Variants in MDFIC observed in about 807,000 individuals in gnomAD.
The protein encoded by MDFIC is MyoD family inhibitor domain containing.
In MDFIC, 17 loss-of-function variants were observed where a neutral mutation model predicts 23.2. The ratio of observed to expected loss-of-function variants is 0.73; its 90% CI spans 0.50 to 1.10. The LOEUF (loss-of-function observed/expected upper bound fraction) is 1.10. Among genes scored for constraint, MDFIC ranks in the 50% least tolerant of loss-of-function variants. The probability of loss-of-function intolerance (pLI) is 0.00; values close to 1 mark genes in which losing one functional copy is unlikely to be tolerated. For synonymous variants in MDFIC, 120 were observed against 115.2 expected (o/e 1.04, Z -0.27); for missense variants, 356 against 316.6 (o/e 1.12, Z -0.95).
Position 114,942,387 on chromosome 7 carries a change from A to T in MDFIC, c.207A>T (p.Glu69Asp). The change falls in exon 3 of 5, where the codon GAA becomes GAT. Residue 69 changes from glutamate to aspartate, a missense_variant. Physicochemically the swap from Glu to Asp is conservative, Grantham distance 45. Transcript: ENST00000393486. ...TTTGGGGAAATCCTTCGGATGGTGA[A>T]CTCATTAGAAGTAAGTATTTTTAGA... Reference protein sequence around the residue: ...QSIWGNPSDGELIRTQPQRLP... With the variant: ...QSIWGNPSDGDLIRTQPQRLP... The T allele has an allele frequency of 1.3e-6, 2 of 1,595,912 alleles. No individual in the cohort carries two copies. Among genetic ancestry groups the T allele is most frequent in the Non-Finnish European group, 8.5e-7 (1 of 1,172,350 alleles).
chr7:114,976,093 GA>G (rs1404259368), intron 3 of MDFIC, among the ~76,000 whole-genome samples: 3 of 152,094 alleles, frequency 2.0e-5, no homozygotes, highest in African/African-American at 7.2e-5. Flanking sequence ...TTTGATAGCA[GA>G]AAAAGGTCAA....
At chr7:114,954,445 T>A (rs1792845742) in intron 3 of MDFIC, among the ~76,000 whole-genome samples, 1 of 152,242 alleles carries the variant, frequency 6.6e-6, no homozygotes, top group Non-Finnish European at 1.5e-5. Context: ...TCGGTCGGTC[T>A]TCTCACTTCA....
intron 3 of MDFIC, among the ~76,000 whole-genome samples, chr7:114,953,268 G>T (rs1360973684): frequency 1.2e-4 from 18 of 151,972 alleles, no homozygotes; most frequent in Non-Finnish European, 4.4e-5. Flanking sequence ...ATAAAAGGTT[G>T]TCTTTTAAAT....
At chr7:114,929,329 A>G (rs1792263984) in intron 2 of MDFIC, among the ~76,000 whole-genome samples, 1 of 152,112 alleles carries the variant, frequency 6.6e-6, no homozygotes, top group Non-Finnish European at 1.5e-5. Flanking sequence ...GTTGGTCTCG[A>G]ACTCTTGACC....
rs369704170 is a variant in MDFIC at position 114,997,244 on chromosome 7, C to T, written c.493+17463C>T. ...AAGTAAAAATGTTAGGATATAAAGG[C>T]GAATGTTTTTAGAATGGGGTACATG... On this transcript the variant is annotated intron_variant, in intron 4 of 4. Transcript: ENST00000393486. 1.2e-3 allele frequency among the ~76,000 whole-genome samples: 186 copies of T among 152,022 alleles called. 1 individual carries two copies. Among genetic ancestry groups the T allele is most frequent in the African/African-American group, 4.3e-3 (178 of 41,420 alleles).
chr7:115,001,496 G>A (rs1378051989), intron 4 of MDFIC, among the ~76,000 whole-genome samples: 1 of 152,180 alleles, frequency 6.6e-6, no homozygotes, highest in Non-Finnish European at 1.5e-5. Flanking sequence ...CAGAAGAGTA[G>A]TTATTTTAGA....
Position 115,015,868 on chromosome 7 carries a change from C to A in MDFIC, c.674C>A (p.Ala225Asp), listed in dbSNP as rs769543880. Residue 225 changes from alanine to aspartate, a missense_variant, in exon 5 of 5, where the codon GCC becomes GAC. Physicochemically the swap from Ala to Asp is moderately radical, Grantham distance 126 (BLOSUM62 -2). Coordinates refer to ENST00000393486, the MANE Select transcript of MDFIC (RefSeq NM_001166345.3). ...GATATGGACTGTGGCATCATGGATG[C>A]CTGTTGTGAATCATCAGACTGCTTG... ...PCDMDCGIMDACCESSDCLEI... is the reference protein window; with the variant it reads ...PCDMDCGIMDDCCESSDCLEI... 8.1e-6 allele frequency: 13 copies of A among 1,613,950 alleles called. No homozygotes were observed. Among genetic ancestry groups the A allele is most frequent in the Non-Finnish European group, 1.1e-5 (13 of 1,179,988 alleles).
intron 3 of MDFIC, among the ~76,000 whole-genome samples, chr7:114,965,825 G>T (rs1285217379): frequency 6.6e-6 from 1 of 152,090 alleles, no homozygotes; most frequent in Non-Finnish European, 1.5e-5. Flanking sequence ...TCCCTACTTT[G>T]TTATTTCATT....
chr7:114,929,175 C>T (rs371844311), intron 2 of MDFIC, among the ~76,000 whole-genome samples: 51 of 151,972 alleles, frequency 3.4e-4, no homozygotes, highest in African/African-American at 1.2e-3. Context: ...GGCATGATCT[C>T]GGCTCACTGC....
intron 3 of MDFIC, among the ~76,000 whole-genome samples, chr7:114,955,826 T>C (rs1792873190): frequency 6.6e-6 from 1 of 152,212 alleles, no homozygotes; most frequent in African/African-American, 2.4e-5. Context: ...ATATTAACAA[T>C]GTTATTACCA....
rs374606978 is a variant in MDFIC at position 114,922,441 on chromosome 7, G to A, written c.-303G>A. 3.1e-5 allele frequency: 39 copies of A among 1,242,832 alleles called. No individual in the cohort carries two copies. In the East Asian group the frequency reaches 7.9e-4, roughly 25 times the overall value. The allele number at this position is 1,242,832 out of a possible 1,614,324, so 77.0% of individuals were successfully genotyped here. On this transcript the variant is annotated 5_prime_UTR_variant, in exon 1 of 5. Coordinates refer to ENST00000393486, the MANE Select transcript of MDFIC (RefSeq NM_001166345.3). ...AGTGCGCGGAGTCAGAGCCGCCACCGCTGCCGCAGTTGCCGCCACTGCGGC... is the reference window on the plus strand; with the variant it reads ...AGTGCGCGGAGTCAGAGCCGCCACCACTGCCGCAGTTGCCGCCACTGCGGC...
chr7:114,929,296 A>T (rs1792263197), intron 2 of MDFIC, among the ~76,000 whole-genome samples: 1 of 152,042 alleles, frequency 6.6e-6, no homozygotes, highest in Non-Finnish European at 1.5e-5. Flanking sequence ...TTTAGTAGAG[A>T]CGGGTTTCAC....
At chr7:114,996,388 T>G (rs749764737) in intron 4 of MDFIC, among the ~76,000 whole-genome samples, 2 of 152,178 alleles carry the variant, frequency 1.3e-5, no homozygotes, top group Non-Finnish European at 2.9e-5. Flanking sequence ...TCCAAGTTTC[T>G]GGGCCTGAGC....
At chr7:114,979,413 C>T (rs1054205039) in intron 3 of MDFIC, 93 bp from the exon 4 acceptor site, 14 of 1,325,744 alleles carry the variant, frequency 1.1e-5, no homozygotes, top group African/African-American at 9.0e-5. Flanking sequence ...ATGGGTAAAA[C>T]CCCAAATCTC....
chr7:114,978,715 C>T (rs1793363548), intron 3 of MDFIC, among the ~76,000 whole-genome samples: 1 of 151,988 alleles, frequency 6.6e-6, no homozygotes, highest in Non-Finnish European at 1.5e-5. Context: ...TTCCCCAGAA[C>T]ATCCAAATCT....
At chr7:114,972,522 T>G (rs1265180045) in intron 3 of MDFIC, among the ~76,000 whole-genome samples, 1 of 152,190 alleles carries the variant, frequency 6.6e-6, no homozygotes, top group Non-Finnish European at 1.5e-5. Context: ...AATGGCAAAG[T>G]AAGGTGGGAT....
chr7:114,971,538 A>G (rs1380237165), intron 3 of MDFIC, among the ~76,000 whole-genome samples: 2 of 152,192 alleles, frequency 1.3e-5, no homozygotes, highest in Non-Finnish European at 2.9e-5. Flanking sequence ...GAAACCTGAG[A>G]GTGCTGTATG....
At position 115,017,688 on chromosome 7, in the gene MDFIC, T is replaced by C. The variant is rs1400973831; in HGVS notation, c.*1753T>C. The C allele has an allele frequency of 1.3e-5, 2 of 152,238 alleles. No homozygotes were observed. Among genetic ancestry groups the C allele is most frequent in the African/African-American group, 4.8e-5 (2 of 41,366 alleles). The allele number at this position is 152,238 out of a possible 1,614,324, so 9.4% of individuals were successfully genotyped here. On this transcript the variant is annotated 3_prime_UTR_variant, in exon 5 of 5. Coordinates refer to ENST00000393486, the MANE Select transcript of MDFIC (RefSeq NM_001166345.3). ...TGTGTGGCTTAGATGAAAGGGAGAG[T>C]AAATTTTCATACCATGCTCTCTCCT...
intron 4 of MDFIC, among the ~76,000 whole-genome samples, chr7:114,995,444 T>C (rs1161623496): frequency 6.6e-6 from 1 of 152,226 alleles, no homozygotes; most frequent in Non-Finnish European, 1.5e-5. Context: ...AATTTTGTTT[T>C]TCTGCTCTGT....
Sources: allele counts gnomAD v4.1 joint callset (sites outside exome capture counted in the v4.1 genomes callset), GRCh38; gene constraint gnomAD v4.1.1; transcripts MANE v1.5; gene names NCBI Gene and HGNC (gene_info 2026-07-23, HGNC 2026-07-21).